Variants in AOX1 observed in about 807,000 individuals in gnomAD.
The protein encoded by AOX1 is aldehyde oxidase 1, also known as aldehyde oxidase.
In AOX1, 153 loss-of-function variants were observed where a neutral mutation model predicts 169.5. The ratio of observed to expected loss-of-function variants is 0.90; its 90% confidence interval spans 0.79 to 1.03. The LOEUF (loss-of-function observed/expected upper bound fraction) is 1.03, where lower values mean the gene tolerates loss of function less well. AOX1 is among the 50% of genes least tolerant of loss of function. The probability of loss-of-function intolerance (pLI) is 0.00; values close to 1 mark genes in which losing one functional copy is unlikely to be tolerated. For synonymous variants in AOX1, 562 were observed against 581.9 expected (o/e 0.97, Z 0.49); for missense variants, 1,656 against 1,663.9 (o/e 1.00, Z 0.08).
At chr2:200,624,947 A>T (rs2105727785) in intron 19 of AOX1, among the ~76,000 whole-genome samples, 1 of 152,308 alleles carries the variant, frequency 6.6e-6, no homozygotes, top group East Asian at 1.9e-4. Flanking sequence ...GCATGGCCTG[A>T]GGCAGAATTG....
intron 12 of AOX1, among the ~76,000 whole-genome samples, chr2:200,610,597 A>G (rs963956914): frequency 3.3e-5 from 5 of 152,212 alleles, no homozygotes; most frequent in Non-Finnish European, 5.9e-5. Flanking sequence ...AAGTAAGATA[A>G]CATCTCAGTA....
chr2:200,644,527 A>G (rs2035413865), intron 25 of AOX1, among the ~76,000 whole-genome samples: 1 of 152,210 alleles, frequency 6.6e-6, no homozygotes, highest in Non-Finnish European at 1.5e-5. Flanking sequence ...TGCTTTGGCT[A>G]TGCGGGCTCT....
At position 200,656,911 on chromosome 2, in the gene AOX1, CA is replaced by C; in HGVS notation, c.3146del (p.Gln1049ArgfsTer7). ...LVTHGGIEMG[Q>X]GVHTKMIQVV... ...CACTCACGGTGGAATTGAAATGGGG[CA>C]GGGGGTCCACACTAAAATGATTCAG... On this transcript the variant is annotated frameshift_variant, in exon 27 of 35. Transcript: ENST00000374700. LOFTEE classifies it high-confidence loss of function. 1 of 1,582,376 alleles carries C rather than the reference CA, an allele frequency of 6.3e-7. No individual in the cohort carries two copies. Among genetic ancestry groups the C allele is most frequent in the Non-Finnish European group, 8.6e-7 (1 of 1,163,610 alleles).
chr2:200,639,699 A>AAT (rs2035312852), intron 23 of AOX1, among the ~76,000 whole-genome samples: 1 of 152,100 alleles, frequency 6.6e-6, no homozygotes, highest in Admixed American at 6.6e-5. Context: ...TATGAATTGG[A>AAT]ATATATATAG....
At chr2:200,611,227 C>T (rs771068339) in intron 12 of AOX1, among the ~76,000 whole-genome samples, 157 bp from the exon 13 acceptor site, 6 of 152,130 alleles carry the variant, frequency 3.9e-5, no homozygotes, top group Admixed American at 6.5e-5. Flanking sequence ...CATTGCAAGA[C>T]GCATTATAGG....
At chr2:200,666,468 AAAAG>A (rs1452796505) in intron 31 of AOX1, among the ~76,000 whole-genome samples, 2 of 152,238 alleles carry the variant, frequency 1.3e-5, no homozygotes, top group Admixed American at 1.3e-4. Flanking sequence ...TTCCAAGAAA[AAAAG>A]ACAGTGCTTC....
intron 4 of AOX1, 73 bp downstream of exon 4, chr2:200,597,578 G>A: frequency 8.4e-7 from 1 of 1,190,432 alleles, no homozygotes; most frequent in South Asian, 1.5e-5. Flanking sequence ...CTGAGATTAA[G>A]AGAGCGGAGC....
At chr2:200,586,868 C>G (rs376871787) in intron 1 of AOX1, among the ~76,000 whole-genome samples, 125 of 152,274 alleles carry the variant, frequency 8.2e-4, no homozygotes, top group African/African-American at 2.9e-3. Context: ...GCAAAGCCCC[C>G]TGGGCATCCT....
chr2:200,651,225 G>A (rs374775736), intron 26 of AOX1, 24 bp downstream of exon 26: 71 of 1,602,550 alleles, frequency 4.4e-5, no homozygotes, highest in Non-Finnish European at 5.8e-5. Context: ...ATGCACATGA[G>A]GATGCTGCCT....
intron 4 of AOX1, among the ~76,000 whole-genome samples, chr2:200,597,992 G>A (rs150320298): frequency 1.1e-3 from 167 of 151,994 alleles, no homozygotes; most frequent in African/African-American, 3.9e-3. Context: ...CTATAGTCCT[G>A]GCTACTCGGG....
chr2:200,681,682 G>A (rs1159149535), downstream of AOX1, among the ~76,000 whole-genome samples: 1 of 152,190 alleles, frequency 6.6e-6, no homozygotes, highest in Non-Finnish European at 1.5e-5. Context: ...GGAAACTGAG[G>A]CAGTGAGCCA....
intron 16 of AOX1, among the ~76,000 whole-genome samples, chr2:200,620,198 AC>A (rs1391411515): frequency 0.019 from 2,257 of 120,894 alleles, 74 homozygotes; most frequent in African/African-American, 0.061. Flanking sequence ...ATTAATAGTG[AC>A]TTTTTTTTTT....
At chr2:200,597,911 C>A (rs898217405) in intron 4 of AOX1, among the ~76,000 whole-genome samples, 1 of 152,110 alleles carries the variant, frequency 6.6e-6, no homozygotes, top group East Asian at 1.9e-4. Flanking sequence ...GAGTTTGAGA[C>A]CAGCTTAGGC....
chr2:200,592,082 A>AATT (rs2034184856), intron 1 of AOX1, among the ~76,000 whole-genome samples: 1 of 152,240 alleles, frequency 6.6e-6, no homozygotes, highest in Admixed American at 6.5e-5. Context: ...AAGTTTGGAA[A>AATT]ATAAAATAAA....
At chr2:200,657,190 A>ATATATATT in intron 27 of AOX1, among the ~76,000 whole-genome samples, 245 of 62,870 alleles carry the variant, frequency 3.9e-3, no homozygotes, top group Middle Eastern at 0.018. Context: ...ATATATATAT[A>ATATATATT]TTTTTTTTTT....
intron 20 of AOX1, among the ~76,000 whole-genome samples, chr2:200,629,584 G>A (rs1308403055): frequency 6.6e-6 from 1 of 152,140 alleles, no homozygotes; most frequent in African/African-American, 2.4e-5. Context: ...CCAGGAACTG[G>A]TCTTAACAAG....
At chr2:200,635,366 T>A (rs1345449626) in intron 21 of AOX1, among the ~76,000 whole-genome samples, 2 of 152,186 alleles carry the variant, frequency 1.3e-5, no homozygotes, top group Non-Finnish European at 2.9e-5. Context: ...AGACCTGCTC[T>A]CCAAAGCCTA....
intron 34 of AOX1, among the ~76,000 whole-genome samples, 170 bp from the exon 35 acceptor site, chr2:200,670,459 C>G (rs2036005118): frequency 6.6e-6 from 1 of 152,060 alleles, no homozygotes; most frequent in Admixed American, 6.5e-5. Context: ...ACCCCAGGAC[C>G]TCTCCAGTCC....
chr2:200,615,937 T>C (rs1439185623), intron 15 of AOX1, 34 bp from the exon 16 acceptor site: 2 of 1,506,034 alleles, frequency 1.3e-6, no homozygotes, highest in Admixed American at 3.4e-5. Context: ...GCATTCAAAC[T>C]ATTTAAAATA....
Sources: allele counts gnomAD v4.1 joint callset (sites outside exome capture counted in the v4.1 genomes callset), GRCh38; gene constraint gnomAD v4.1.1; transcripts MANE v1.5; gene names NCBI Gene and HGNC (gene_info 2026-07-23, HGNC 2026-07-21).